The following SGCZ variants were observed in gnomAD, a reference collection of about 807,000 sequenced individuals.
SGCZ encodes sarcoglycan zeta.
Under a neutral mutation model 41.3 loss-of-function variants are expected in SGCZ, and 40 were observed. The ratio of observed to expected loss-of-function variants is 0.97; its 90% CI spans 0.75 to 1.26. The LOEUF (loss-of-function observed/expected upper bound fraction) is 1.26. SGCZ is among the 50% of genes most tolerant of loss of function. SGCZ has a pLI of 0.00. For synonymous variants in SGCZ, 206 were observed against 137.5 expected (o/e 1.50, Z -3.49); for missense variants, 552 against 369.8 (o/e 1.49, Z -4.04).
chr8:14,946,979 C>A (rs1052106180), intron 1 of SGCZ, among the ~76,000 whole-genome samples: 3 of 152,152 alleles, frequency 2.0e-5, no homozygotes, highest in African/African-American at 7.2e-5. Flanking sequence ...TGGACTGCCT[C>A]TTTCTATAGT....
intron 1 of SGCZ, among the ~76,000 whole-genome samples, chr8:15,127,885 A>G (rs757035819): frequency 2.6e-5 from 4 of 152,184 alleles, no homozygotes; most frequent in African/African-American, 7.2e-5. Flanking sequence ...AAGCCTTACA[A>G]TCCTTTAATA....
rs142060584 is a variant in SGCZ at position 14,131,330 on chromosome 8, A to C, written c.548-23095T>G. 1.7e-3 allele frequency among the ~76,000 whole-genome samples: 262 copies of C among 152,280 alleles called. 1 individual carries two copies. The highest frequency in any genetic ancestry group is 6.0e-3 in the African/African-American group (251 of 41,570). Reference sequence around the variant, plus strand: ...TGGAACCAAAAGGGACTTCTTGTAGACAGGTAAGCAGTAGGCCCCCAGAAA... The same window carrying C: ...TGGAACCAAAAGGGACTTCTTGTAGCCAGGTAAGCAGTAGGCCCCCAGAAA... On this transcript the variant is annotated intron_variant, in intron 5 of 7. Transcript: ENST00000382080.
chr8:14,199,068 A>G (rs936159179), intron 4 of SGCZ, among the ~76,000 whole-genome samples: 10 of 152,226 alleles, frequency 6.6e-5, no homozygotes, highest in Admixed American at 1.3e-4. Context: ...TTCAGGGAAC[A>G]AGGGAGATAA....
intron 1 of SGCZ, among the ~76,000 whole-genome samples, chr8:14,875,847 G>A (rs536041690): frequency 6.6e-6 from 1 of 152,082 alleles, no homozygotes; most frequent in African/African-American, 2.4e-5. Flanking sequence ...CAATTTAGTT[G>A]GTTGAAAAAT....
At chr8:14,411,547 A>G (rs2117277676) in intron 2 of SGCZ, among the ~76,000 whole-genome samples, 1 of 152,216 alleles carries the variant, frequency 6.6e-6, no homozygotes, top group East Asian at 1.9e-4. Context: ...GTTCAAGCTG[A>G]CATAGAGAAA....
intron 1 of SGCZ, among the ~76,000 whole-genome samples, chr8:15,158,981 G>T (rs938427654): frequency 3.9e-5 from 6 of 152,174 alleles, no homozygotes; most frequent in Non-Finnish European, 7.3e-5. Context: ...TCTCCAAAGT[G>T]ATGGTTTTTG....
At chr8:14,566,847 G>A (rs1373605133) in intron 1 of SGCZ, among the ~76,000 whole-genome samples, 1 of 152,208 alleles carries the variant, frequency 6.6e-6, no homozygotes, top group Non-Finnish European at 1.5e-5. Context: ...AGGAACCGGG[G>A]CTGCACACGG....
chr8:14,759,280 T>G (rs111449802), intron 1 of SGCZ, among the ~76,000 whole-genome samples: 1 of 151,974 alleles, frequency 6.6e-6, no homozygotes, highest in African/African-American at 2.4e-5. Context: ...GAGAAGAAAA[T>G]TGGAGACAAG....
At chr8:14,915,078 C>A (rs998544963) in intron 1 of SGCZ, among the ~76,000 whole-genome samples, 1 of 152,104 alleles carries the variant, frequency 6.6e-6, no homozygotes, top group South Asian at 2.1e-4. Context: ...TTTCATAACT[C>A]TCATACTGCT....
rs367615724 is a variant in SGCZ at position 15,084,832 on chromosome 8, CT to C, written c.39+152752del. On this transcript the variant is annotated intron_variant, in intron 1 of 7. Transcript: ENST00000382080. Reference sequence around the variant, plus strand: ...AGAACATATTTTTGGCTACTGGACTCTCATATATGTGAGTTTCACTTAGCAG... The same window carrying C: ...AGAACATATTTTTGGCTACTGGACTCCATATATGTGAGTTTCACTTAGCAG... 7.1e-3 allele frequency among the ~76,000 whole-genome samples: 1,076 copies of C among 152,214 alleles called. 10 individuals carry two copies. Among genetic ancestry groups the C allele is most frequent in the African/African-American group, 0.021 (869 of 41,538 alleles).
At chr8:14,826,054 C>T (rs1261089859) in intron 1 of SGCZ, among the ~76,000 whole-genome samples, 1 of 151,532 alleles carries the variant, frequency 6.6e-6, no homozygotes, top group African/African-American at 2.4e-5. Context: ...AGTCATTTAG[C>T]ATTAGGCATA....
intron 2 of SGCZ, among the ~76,000 whole-genome samples, chr8:14,432,530 A>C (rs1799971681): frequency 6.6e-6 from 1 of 152,152 alleles, no homozygotes; most frequent in Non-Finnish European, 1.5e-5. Flanking sequence ...ACTCAGGGTA[A>C]AGGGTGAGAA....
At chr8:15,198,426 A>C (rs1490588607) in intron 1 of SGCZ, among the ~76,000 whole-genome samples, 1 of 152,136 alleles carries the variant, frequency 6.6e-6, no homozygotes, top group Non-Finnish European at 1.5e-5. Context: ...ATTCTAGTCT[A>C]TCCTATACTA....
chr8:14,430,749 C>G (rs771480285), intron 2 of SGCZ, among the ~76,000 whole-genome samples: 16 of 152,114 alleles, frequency 1.1e-4, no homozygotes, highest in Non-Finnish European at 2.2e-4. Flanking sequence ...AAGAGAAAGT[C>G]AAAATGTCGT....
chr8:14,268,825 C>A (rs1389378795), intron 3 of SGCZ, among the ~76,000 whole-genome samples: 6 of 151,882 alleles, frequency 4.0e-5, no homozygotes, highest in African/African-American at 1.2e-4. Context: ...ACATCCTCAT[C>A]TGAATTCTTG....
At chr8:15,063,729 C>T (rs1805023575) in intron 1 of SGCZ, among the ~76,000 whole-genome samples, 1 of 152,178 alleles carries the variant, frequency 6.6e-6, no homozygotes, top group African/African-American at 2.4e-5. Context: ...CTGGTTATTA[C>T]TGTCATAATT....
chr8:14,182,003 G>C (rs988389797), intron 4 of SGCZ, among the ~76,000 whole-genome samples: 1 of 152,064 alleles, frequency 6.6e-6, no homozygotes, highest in African/African-American at 2.4e-5. Flanking sequence ...ACCTCAAATT[G>C]GAGATATGTT....
intron 1 of SGCZ, among the ~76,000 whole-genome samples, chr8:15,220,988 G>A (rs1353460579): frequency 2.0e-5 from 3 of 152,050 alleles, no homozygotes; most frequent in Non-Finnish European, 4.4e-5. Context: ...ACAGGATGGG[G>A]AACATCACAC....
chr8:14,898,235 C>T, intron 1 of SGCZ, among the ~76,000 whole-genome samples: 2 of 152,210 alleles, frequency 1.3e-5, no homozygotes, highest in East Asian at 3.9e-4. Context: ...CAGGTGTGAG[C>T]CACCATATGC....
Sources: allele counts gnomAD v4.1 joint callset (sites outside exome capture counted in the v4.1 genomes callset), GRCh38; gene constraint gnomAD v4.1.1; transcripts MANE v1.5; gene names NCBI Gene and HGNC (gene_info 2026-07-23, HGNC 2026-07-21).